The following CNTNAP2 variants were observed in gnomAD, a reference collection of about 807,000 sequenced individuals.
CNTNAP2 encodes the protein contactin associated protein 2.
In CNTNAP2, 98 loss-of-function variants were observed where a neutral mutation model predicts 155.2. The observed-to-expected ratio is 0.63, with a 90% CI of 0.54 to 0.75. The LOEUF is 0.75. Ranked by LOEUF, CNTNAP2 falls within the 30% of genes least tolerant of loss-of-function variation. CNTNAP2 has a pLI of 0.00. For synonymous variants in CNTNAP2, 651 were observed against 631.2 expected (o/e 1.03, Z -0.47); for missense variants, 1,727 against 1,688.1 (o/e 1.02, Z -0.40).
At chr7:146,298,069 A>G (rs184806360) in intron 1 of CNTNAP2, among the ~76,000 whole-genome samples, 1 of 152,324 alleles carries the variant, frequency 6.6e-6, no homozygotes, top group Non-Finnish European at 1.5e-5. Context: ...TGATCCTTCT[A>G]TGCTATAAGG....
At chr7:146,955,667 C>G (rs185303546) in intron 3 of CNTNAP2, among the ~76,000 whole-genome samples, 51 of 152,048 alleles carry the variant, frequency 3.4e-4, no homozygotes, top group African/African-American at 1.2e-3. Flanking sequence ...CTTTTAAGAG[C>G]ATGTTACAAT....
At chr7:146,333,947 C>G (rs1448097107) in intron 1 of CNTNAP2, among the ~76,000 whole-genome samples, 1 of 152,140 alleles carries the variant, frequency 6.6e-6, no homozygotes, top group Middle Eastern at 3.2e-3. Flanking sequence ...CATGACCATA[C>G]CTATCTGCCA....
At chr7:146,861,989 C>T (rs1017008839) in intron 3 of CNTNAP2, among the ~76,000 whole-genome samples, 7 of 152,140 alleles carry the variant, frequency 4.6e-5, no homozygotes, top group Admixed American at 1.3e-4. Flanking sequence ...AAAGCACTTG[C>T]CAACCTTTTA....
intron 1 of CNTNAP2, among the ~76,000 whole-genome samples, chr7:146,584,553 A>G (rs1384360075): frequency 6.6e-6 from 1 of 152,170 alleles, no homozygotes; most frequent in African/African-American, 2.4e-5. Context: ...TCTTTGGGGT[A>G]CCCCTTTTAT....
At chr7:148,274,723 A>G (rs573791253) in intron 21 of CNTNAP2, among the ~76,000 whole-genome samples, 122 of 152,316 alleles carry the variant, frequency 8.0e-4, no homozygotes, top group African/African-American at 2.9e-3. Flanking sequence ...AAGCCTGCAG[A>G]ACTGTGAGCC....
chr7:148,168,215 T>C (rs2906292), intron 17 of CNTNAP2, among the ~76,000 whole-genome samples: 40,704 of 150,530 alleles, frequency 0.27, 5,219 homozygotes, highest in African/African-American at 0.31. Flanking sequence ...TTACTGGGTA[T>C]ATACCCAAAG....
chr7:146,427,072 A>G (rs1796104250), intron 1 of CNTNAP2, among the ~76,000 whole-genome samples: 1 of 152,214 alleles, frequency 6.6e-6, no homozygotes, highest in Non-Finnish European at 1.5e-5. Context: ...AAGTGCTTCC[A>G]CATATTAAAT....
intron 15 of CNTNAP2, among the ~76,000 whole-genome samples, chr7:148,070,087 G>T (rs1462625081): frequency 1.3e-5 from 2 of 152,086 alleles, no homozygotes; most frequent in Admixed American, 6.5e-5. Context: ...TTCAATCCAG[G>T]CTCTGTAACT....
At chr7:148,238,905 A>T (rs181108130) in intron 20 of CNTNAP2, among the ~76,000 whole-genome samples, 5 of 152,340 alleles carry the variant, frequency 3.3e-5, no homozygotes, top group Non-Finnish European at 2.9e-5. Context: ...AAGCATATGG[A>T]TGTAAACACT....
chr7:146,638,144 G>A (rs1156749686), intron 1 of CNTNAP2, among the ~76,000 whole-genome samples: 1 of 152,142 alleles, frequency 6.6e-6, no homozygotes, highest in Non-Finnish European at 1.5e-5. Flanking sequence ...TAAGCGTATA[G>A]CCAGGTTAAG....
At chr7:147,921,297 T>TG (rs1420557138) in intron 14 of CNTNAP2, among the ~76,000 whole-genome samples, 1 of 152,226 alleles carries the variant, frequency 6.6e-6, no homozygotes, top group Non-Finnish European at 1.5e-5. Context: ...GGCCTCAATC[T>TG]GTATCTTTGG....
intron 21 of CNTNAP2, among the ~76,000 whole-genome samples, chr7:148,277,823 T>C (rs572589824): frequency 2.2e-4 from 22 of 99,198 alleles, no homozygotes; most frequent in Non-Finnish European, 4.2e-4. Context: ...TTGCTTTTAC[T>C]TCCTACAAAA....
intron 1 of CNTNAP2, among the ~76,000 whole-genome samples, chr7:146,678,627 A>G (rs1037860698): frequency 2.0e-5 from 3 of 152,198 alleles, no homozygotes; most frequent in Non-Finnish European, 4.4e-5. Flanking sequence ...TCACAAATTA[A>G]TGCTTATGGA....
Position 147,902,778 on chromosome 7 carries a change from T to TTGTGTG in CNTNAP2, c.2099-757_2099-752dup, listed in dbSNP as rs564991239. Among the ~76,000 whole-genome samples the TTGTGTG allele has an allele frequency of 5.8e-3, 787 of 136,708 alleles. 4 individuals are homozygous for TTGTGTG. Among genetic ancestry groups the TTGTGTG allele is most frequent in the Middle Eastern group, 0.019 (5 of 264 alleles). 89.7% of individuals were successfully genotyped at this position (136,708 alleles called of 152,430 possible). On this transcript the variant is annotated intron_variant, in intron 13 of 23. Coordinates refer to ENST00000361727, the MANE Select transcript of CNTNAP2 (RefSeq NM_014141.6). Reference sequence around the variant, plus strand: ...CTGAGTAGTATTCCATCATATATGTTTGTGTGTGTGTGTGTGTGTGTGTGT... The same window carrying TTGTGTG: ...CTGAGTAGTATTCCATCATATATGTTTGTGTGTGTGTGTGTGTGTGTGTGTGTGTGT...
chr7:147,591,290 T>A (rs1384128485), intron 12 of CNTNAP2, among the ~76,000 whole-genome samples: 1 of 152,154 alleles, frequency 6.6e-6, no homozygotes, highest in Non-Finnish European at 1.5e-5. Context: ...TGTCTGTAGG[T>A]TTATTTTTTT....
intron 15 of CNTNAP2, among the ~76,000 whole-genome samples, chr7:148,060,525 T>C (rs1422965254): frequency 6.6e-6 from 1 of 152,212 alleles, no homozygotes; most frequent in Non-Finnish European, 1.5e-5. Context: ...CTTTATCTAT[T>C]AGAATTTTCC....
intron 2 of CNTNAP2, among the ~76,000 whole-genome samples, chr7:146,810,232 A>G (rs1040960210): frequency 3.4e-5 from 5 of 148,064 alleles, no homozygotes; most frequent in African/African-American, 1.2e-4. Context: ...TGCCAGTACC[A>G]TGCTCTTTTG....
rs1266542417 is a variant in CNTNAP2, at chr7:147,142,225, CT to C, written c.1348+9718del. 3.3e-4 allele frequency among the ~76,000 whole-genome samples: 50 copies of C among 152,196 alleles called. No individual in the cohort carries two copies. The East Asian group carries it at 9.3e-3, about 28-fold the overall frequency. Reference sequence around the variant, plus strand: ...GGCTGTGGGTTTGTCATAGACAGCTCTTATTATTTTGAGATATGTCCCATCA... The same window carrying C: ...GGCTGTGGGTTTGTCATAGACAGCTCTATTATTTTGAGATATGTCCCATCA... On this transcript the variant is annotated intron_variant, in intron 8 of 23. Coordinates refer to ENST00000361727, the MANE Select transcript of CNTNAP2 (RefSeq NM_014141.6).
At chr7:146,920,091 G>A (rs1419624188) in intron 3 of CNTNAP2, among the ~76,000 whole-genome samples, 3 of 152,166 alleles carry the variant, frequency 2.0e-5, no homozygotes, top group African/African-American at 7.2e-5. Context: ...ATATTACTAA[G>A]AGAGTACATC....
Sources: allele counts gnomAD v4.1 joint callset (sites outside exome capture counted in the v4.1 genomes callset), GRCh38; gene constraint gnomAD v4.1.1; transcripts MANE v1.5; gene names NCBI Gene and HGNC (gene_info 2026-07-23, HGNC 2026-07-21).